Variants in LRRIQ1 observed in about 807,000 individuals in gnomAD.
LRRIQ1 encodes the protein leucine-rich repeat- and IQ domain-containing protein 1.
In LRRIQ1, 210 loss-of-function variants were observed where a neutral mutation model predicts 211.9. The observed-to-expected ratio is 0.99, with a 90% CI of 0.89 to 1.11. LRRIQ1 has a LOEUF of 1.11. Among genes scored for constraint, LRRIQ1 ranks in the 50% most tolerant of loss-of-function variants. LRRIQ1 has a pLI of 0.00. For missense variants in LRRIQ1, 2,136 were observed against 1,939.5 expected, an observed-to-expected ratio of 1.10 and a Z score of -1.90; for synonymous variants, 699 against 650.1, an observed-to-expected ratio of 1.08 and a Z score of -1.14.
At chr12:85,142,286 T>C (rs1201677102) in intron 19 of LRRIQ1, among the ~76,000 whole-genome samples, 1 of 151,452 alleles carries the variant, frequency 6.6e-6, no homozygotes, top group Non-Finnish European at 1.5e-5. Flanking sequence ...ATTGCCCTGC[T>C]TGGAGTTGGT....
intron 24 of LRRIQ1, among the ~76,000 whole-genome samples, chr12:85,192,516 AGTT>A: frequency 8.1e-6 from 1 of 123,800 alleles, no homozygotes; most frequent in African/African-American, 3.1e-5. Flanking sequence ...AAATATATAT[AGTT>A]ATATAATATA....
intron 11 of LRRIQ1, among the ~76,000 whole-genome samples, chr12:85,090,705 T>TAAAAAAC (rs1417348267): frequency 3.3e-5 from 5 of 152,246 alleles, no homozygotes; most frequent in Non-Finnish European, 7.3e-5. Context: ...AAATAACTTG[T>TAAAAAAC]TTCTGATTTT....
At chr12:85,159,558 AG>A (rs983796851) in intron 23 of LRRIQ1, 3 of 151,998 alleles carry the variant, frequency 2.0e-5, no homozygotes, top group Admixed American at 2.0e-4. Flanking sequence ...GTTTTTCCGG[AG>A]TCATACAACT....
In LRRIQ1 at chr12:85,042,747, G is replaced by A. The variant is rs867694778; in HGVS notation, c.245-1971G>A. ...AAGTGAAAAACAAATCAATAATATG[G>A]CAAAGAGGTGGAAAGAGATTTTTCA... On this transcript the variant is annotated intron_variant, in intron 3 of 26. Transcript: ENST00000393217. Among the ~76,000 whole-genome samples the A allele has an allele frequency of 1.1e-4, 16 of 151,828 alleles. No homozygotes were observed. In the South Asian group the frequency reaches 1.2e-3, roughly 12 times the overall value.
At chr12:85,073,766 A>G (rs12227986) in intron 11 of LRRIQ1, among the ~76,000 whole-genome samples, 33,324 of 151,982 alleles carry the variant, frequency 0.22, 4,326 homozygotes, top group Admixed American at 0.31. Flanking sequence ...TGAGAATAGT[A>G]TACATGAGAA....
intron 11 of LRRIQ1, among the ~76,000 whole-genome samples, chr12:85,089,574 C>CTGCAT (rs1283252691): frequency 2.0e-5 from 3 of 152,160 alleles, no homozygotes; most frequent in African/African-American, 7.2e-5. Context: ...AAGAGTGAGG[C>CTGCAT]TGCATTGTAT....
At chr12:85,265,367 A>G (rs867727225), downstream of LRRIQ1, among the ~76,000 whole-genome samples, 3 of 151,972 alleles carry the variant, frequency 2.0e-5, no homozygotes, top group Admixed American at 1.3e-4. Context: ...ATATATTTTA[A>G]TTTAGGGGAA....
At chr12:85,201,271 C>T (rs1318150419) in intron 24 of LRRIQ1, among the ~76,000 whole-genome samples, 10 of 147,798 alleles carry the variant, frequency 6.8e-5, no homozygotes, top group Non-Finnish European at 1.2e-4. Flanking sequence ...AATAATGTCC[C>T]TCAGGTTTTA....
intron 19 of LRRIQ1, among the ~76,000 whole-genome samples, chr12:85,149,560 G>C (rs1467451580): frequency 1.3e-5 from 2 of 151,766 alleles, no homozygotes; most frequent in Non-Finnish European, 2.9e-5. Flanking sequence ...TAAATTTGCA[G>C]TGGTAAGCAT....
chr12:85,113,907 T>TGTG (rs1887368171), intron 15 of LRRIQ1, among the ~76,000 whole-genome samples: 4 of 140,866 alleles, frequency 2.8e-5, no homozygotes, highest in Admixed American at 7.1e-5. Flanking sequence ...CAAATGAGTT[T>TGTG]TGTGTGTGTG....
At position 85,152,273 on chromosome 12, in the gene LRRIQ1, T is replaced by G. The variant is rs771451601; in HGVS notation, c.4330-7T>G. The G allele has an allele frequency of 6.2e-7, 1 of 1,601,216 alleles. No homozygotes were observed. Among genetic ancestry groups the G allele is most frequent in the South Asian group, 1.1e-5 (1 of 89,400 alleles). On this transcript the variant is annotated splice_polypyrimidine_tract_variant and splice_region_variant and intron_variant, in intron 19 of 26. Transcript: ENST00000393217. ...AAATTACATACATTTTAATATTATT[T>G]GTGCAGGCTGCCTTAGAAGAAGAAT...
chr12:85,070,233 G>A (rs1404742297), intron 10 of LRRIQ1, among the ~76,000 whole-genome samples: 1 of 151,908 alleles, frequency 6.6e-6, no homozygotes, highest in African/African-American at 2.4e-5. Context: ...AGTATTTGAC[G>A]ATTTACTTTT....
rs760331861 is a variant in LRRIQ1 at position 85,098,544 on chromosome 12, G to A, written c.3077G>A (p.Ser1026Asn). ...TTGAAGTTACAGGGAAATTATCTGA[G>A]TGAGGTAATTGCTTTGAATTAATTG... ...QILKLQGNYL[S>N]ELPSLENLVL... The change falls in exon 12 of 27, where the codon AGT becomes AAT. Residue 1026 changes from serine (S) to asparagine (N), a missense_variant. Transcript: ENST00000393217. 2 of 1,603,586 alleles carry A rather than the reference G, an allele frequency of 1.2e-6. No homozygotes were observed. The highest frequency in any genetic ancestry group is 1.3e-5 in the African/African-American group (1 of 74,768).
At chr12:85,193,557 A>G (rs1180135555) in intron 24 of LRRIQ1, among the ~76,000 whole-genome samples, 75 of 147,008 alleles carry the variant, frequency 5.1e-4, no homozygotes, top group African/African-American at 1.6e-3. Context: ...CCAGAATTTC[A>G]TATCCAGCCA....
rs563941246 is a variant in LRRIQ1 at position 85,212,595 on chromosome 12, T to C, written c.4823-16922T>C. 7.2e-5 allele frequency among the ~76,000 whole-genome samples: 11 copies of C among 151,790 alleles called. No homozygotes were observed. The East Asian group carries it at 1.7e-3, about 24-fold the overall frequency. ...CATGTAAGGAACACAGAAATATCAA[T>C]ATATAACTGAAAAATGAAGCTAAAT... On this transcript the variant is annotated intron_variant, in intron 24 of 26. Coordinates refer to ENST00000393217, the MANE Select transcript of LRRIQ1 (RefSeq NM_001079910.2).
chr12:85,077,130 T>A (rs1028841287), intron 11 of LRRIQ1, among the ~76,000 whole-genome samples: 1 of 152,160 alleles, frequency 6.6e-6, no homozygotes, highest in Non-Finnish European at 1.5e-5. Flanking sequence ...CTGAAGGAGG[T>A]TGATCTTCAG....
At chr12:85,140,787 ATGC>A (rs955352979) in intron 19 of LRRIQ1, among the ~76,000 whole-genome samples, 8 of 151,210 alleles carry the variant, frequency 5.3e-5, no homozygotes, top group East Asian at 1.9e-4. Context: ...AGAGATTAAG[ATGC>A]TGCTGCTGCT....
chr12:85,165,770 A>G (rs1391725458), intron 24 of LRRIQ1, among the ~76,000 whole-genome samples: 1 of 152,046 alleles, frequency 6.6e-6, no homozygotes, highest in Non-Finnish European at 1.5e-5. Flanking sequence ...CGCCCGGCTG[A>G]TTTGATGCAT....
At chr12:85,220,698 G>T (rs1014590911) in intron 24 of LRRIQ1, among the ~76,000 whole-genome samples, 43 of 150,664 alleles carry the variant, frequency 2.9e-4, no homozygotes, top group African/African-American at 1.0e-3. Flanking sequence ...CAATGTGCAG[G>T]TTTGTTACAT....
Sources: allele counts gnomAD v4.1 joint callset (sites outside exome capture counted in the v4.1 genomes callset), GRCh38; gene constraint gnomAD v4.1.1; transcripts MANE v1.5; gene names NCBI Gene and HGNC (gene_info 2026-07-23, HGNC 2026-07-21).